PRDM5: variants seen among roughly 807,000 people sequenced by gnomAD.
PRDM5 encodes PR/SET domain 5, also known as PR domain zinc finger protein 5.
Under a neutral mutation model 81.2 loss-of-function variants are expected in PRDM5, and 56 were observed. That is an observed-to-expected ratio of 0.69 (90% CI 0.56 to 0.86). PRDM5 has a LOEUF of 0.86. PRDM5 is among the 40% of genes least tolerant of loss of function. The pLI is 0.00. For synonymous variants in PRDM5, 267 were observed against 256.4 expected (o/e 1.04, Z -0.39); for missense variants, 697 against 770.1 (o/e 0.91, Z 1.12).
At chr4:120,808,658 G>T (rs568593274) in intron 8 of PRDM5, among the ~76,000 whole-genome samples, 29 of 152,284 alleles carry the variant, frequency 1.9e-4, no homozygotes, top group African/African-American at 6.7e-4. Context: ...CCATGGAGCA[G>T]GGGGAGGCAC....
At chr4:120,735,630 T>G (rs1445959193) in intron 14 of PRDM5, among the ~76,000 whole-genome samples, 1 of 152,122 alleles carries the variant, frequency 6.6e-6, no homozygotes, top group African/African-American at 2.4e-5. Flanking sequence ...CACAGATGTT[T>G]TATTCCTTGC....
chr4:120,700,702 C>A (rs546693615), intron 15 of PRDM5, among the ~76,000 whole-genome samples: 1 of 152,264 alleles, frequency 6.6e-6, no homozygotes, highest in South Asian at 2.1e-4. Context: ...GAGACATTCA[C>A]AGACACTTCT....
At chr4:120,688,428 G>A (rs560874541), downstream of PRDM5, among the ~76,000 whole-genome samples, 17 of 152,098 alleles carry the variant, frequency 1.1e-4, 1 homozygote, top group Admixed American at 1.0e-3. Context: ...CATTGCATAG[G>A]TTGCTTCTCA....
At chr4:120,742,910 G>T (rs925787935) in intron 14 of PRDM5, among the ~76,000 whole-genome samples, 2 of 151,970 alleles carry the variant, frequency 1.3e-5, no homozygotes, top group African/African-American at 4.8e-5. Context: ...CAACGTTCAG[G>T]TTCAGGAAAT....
chr4:120,803,508 T>A (rs1193455098), intron 8 of PRDM5, among the ~76,000 whole-genome samples: 1 of 152,204 alleles, frequency 6.6e-6, no homozygotes, highest in East Asian at 1.9e-4. Flanking sequence ...AGTGGATCTC[T>A]TGGCAGAAAC....
chr4:120,850,014 A>G (rs1422127802), intron 3 of PRDM5, among the ~76,000 whole-genome samples: 1 of 152,126 alleles, frequency 6.6e-6, no homozygotes, highest in Non-Finnish European at 1.5e-5. Context: ...TACTTAAGTC[A>G]TCATTTGCAA....
At chr4:120,854,867 G>A (rs1759691718) in intron 2 of PRDM5, among the ~76,000 whole-genome samples, 1 of 151,974 alleles carries the variant, frequency 6.6e-6, no homozygotes, top group African/African-American at 2.4e-5. Flanking sequence ...TTTCCAAGCA[G>A]AGGGTACAGC....
chr4:120,820,168 A>G (rs1010449480), intron 4 of PRDM5, among the ~76,000 whole-genome samples: 12 of 152,334 alleles, frequency 7.9e-5, no homozygotes, highest in Admixed American at 2.6e-4. Flanking sequence ...TGATTAGGTT[A>G]TGAGCACTGT....
chr4:120,797,001 T>C (rs180789679), intron 10 of PRDM5, among the ~76,000 whole-genome samples: 122 of 152,322 alleles, frequency 8.0e-4, no homozygotes, highest in Non-Finnish European at 1.3e-3. Context: ...TGAATATCTT[T>C]GGACCAATTT....
intron 8 of PRDM5, among the ~76,000 whole-genome samples, chr4:120,807,573 G>T (rs1753166452): frequency 6.6e-6 from 1 of 152,242 alleles, no homozygotes; most frequent in African/African-American, 2.4e-5. Flanking sequence ...GGACATGGAT[G>T]AAGCTGGAAA....
intron 3 of PRDM5, among the ~76,000 whole-genome samples, chr4:120,848,126 C>G (rs1041409944): frequency 1.3e-5 from 2 of 152,028 alleles, no homozygotes; most frequent in African/African-American, 4.8e-5. Flanking sequence ...TAGATGTTGC[C>G]TAGGCATGAT....
intron 13 of PRDM5, among the ~76,000 whole-genome samples, chr4:120,768,911 T>A (rs149777547): frequency 3.6e-4 from 55 of 152,304 alleles, no homozygotes; most frequent in African/African-American, 1.3e-3. Flanking sequence ...CAGTTTGTTT[T>A]CCCACCAATT....
chr4:120,886,826 C>A (rs1763486049), intron 2 of PRDM5, among the ~76,000 whole-genome samples: 1 of 152,082 alleles, frequency 6.6e-6, no homozygotes, highest in Admixed American at 6.6e-5. Context: ...CATAGTCTAC[C>A]CCACCTTGTC....
intron 14 of PRDM5, among the ~76,000 whole-genome samples, chr4:120,739,833 G>C (rs1054594247): frequency 1.3e-5 from 2 of 151,986 alleles, no homozygotes; most frequent in Non-Finnish European, 2.9e-5. Context: ...TGATATTTAA[G>C]ATAGCTGACT....
intron 14 of PRDM5, among the ~76,000 whole-genome samples, chr4:120,727,463 G>A (rs961809220): frequency 5.3e-5 from 8 of 152,150 alleles, no homozygotes; most frequent in Non-Finnish European, 1.2e-4. Flanking sequence ...TTTGGATTAC[G>A]ATCCAGTCTG....
rs188232699 is a variant in PRDM5 at position 120,699,540 on chromosome 4, G to A, written c.1729-4265C>T. Among the ~76,000 whole-genome samples, 3 of 152,198 alleles carry A rather than the reference G, an allele frequency of 2.0e-5. No individual in the cohort carries two copies. In the East Asian group the frequency reaches 5.8e-4, roughly 29 times the overall value. ...GCCAACCAGCACCAACATGGAATTG[G>A]CGTTCTTCCCTTTGATCACATGTGA... On this transcript the variant is annotated intron_variant, in intron 15 of 15. Transcript: ENST00000264808.
intron 14 of PRDM5, among the ~76,000 whole-genome samples, chr4:120,716,407 C>T (rs1164975754): frequency 6.6e-6 from 1 of 152,072 alleles, no homozygotes; most frequent in Non-Finnish European, 1.5e-5. Flanking sequence ...GCCTGGACTC[C>T]CTCTTCTCTA....
chr4:120,870,489 G>A (rs1761664781), intron 2 of PRDM5, among the ~76,000 whole-genome samples: 1 of 152,034 alleles, frequency 6.6e-6, no homozygotes, highest in Non-Finnish European at 1.5e-5. Flanking sequence ...TGGGGGGTGG[G>A]GGAAAAACCT....
At chr4:120,920,001 A>T (rs1724693221) in intron 1 of PRDM5, among the ~76,000 whole-genome samples, 1 of 152,206 alleles carries the variant, frequency 6.6e-6, no homozygotes, top group African/African-American at 2.4e-5. Flanking sequence ...ATAATTGCCA[A>T]GGAAAAATCT....
Sources: allele counts gnomAD v4.1 joint callset (sites outside exome capture counted in the v4.1 genomes callset), GRCh38; gene constraint gnomAD v4.1.1; transcripts MANE v1.5; gene names NCBI Gene and HGNC (gene_info 2026-07-23, HGNC 2026-07-21).